Variants in TYW1 observed in about 807,000 individuals in gnomAD.
TYW1 encodes S-adenosyl-L-methionine-dependent tRNA 4-demethylwyosine synthase TYW1.
TYW1 carries 46 observed loss-of-function variants against 96.2 expected under a neutral mutation model. The observed-to-expected ratio is 0.48, with a 90% confidence interval of 0.38 to 0.61. TYW1 has a LOEUF of 0.61. Among genes scored for constraint, TYW1 ranks in the 20% least tolerant of loss-of-function variants. TYW1 has a pLI of 0.00. For missense variants in TYW1, 684 were observed against 909.6 expected (o/e 0.75, Z 3.19); for synonymous variants, 274 against 323.0 (o/e 0.85, Z 1.63).
chr7:66,998,730 T>C, intron 2 of TYW1, 87 bp from the exon 3 acceptor site: 2 of 1,420,720 alleles, frequency 1.4e-6, no homozygotes, highest in Non-Finnish European at 1.9e-6. Context: ...AAATAAAATG[T>C]GTCAGTATCT....
At chr7:67,122,957 C>CT (rs1797803430) in intron 13 of TYW1, among the ~76,000 whole-genome samples, 1 of 152,182 alleles carries the variant, frequency 6.6e-6, no homozygotes, top group South Asian at 2.1e-4. Context: ...GGCATTGAGA[C>CT]TTTCACAAAG....
intron 7 of TYW1, among the ~76,000 whole-genome samples, chr7:67,047,985 C>A (rs58361003): frequency 0.59 from 89,546 of 150,786 alleles, 26,642 homozygotes; most frequent in Middle Eastern, 0.71. Context: ...ACAGGGTTTC[C>A]CCATGTTGGC....
chr7:67,216,063 T>G (rs1312308333), intron 15 of TYW1, among the ~76,000 whole-genome samples: 1 of 151,952 alleles, frequency 6.6e-6, no homozygotes, highest in Non-Finnish European at 1.5e-5. Context: ...TCTGTCCTCA[T>G]GAGATTAATC....
At chr7:67,062,073 G>A (rs1477618467) in intron 9 of TYW1, among the ~76,000 whole-genome samples, 1 of 152,110 alleles carries the variant, frequency 6.6e-6, no homozygotes, top group African/African-American at 2.4e-5. Context: ...TCTGGAAGTT[G>A]TCATTTAGTC....
At chr7:67,170,894 G>A (rs1156582144) in intron 13 of TYW1, among the ~76,000 whole-genome samples, 1 of 152,202 alleles carries the variant, frequency 6.6e-6, no homozygotes, top group African/African-American at 2.4e-5. Context: ...GTTTTCTGGT[G>A]ATGTCTTTTT....
intron 3 of TYW1, among the ~76,000 whole-genome samples, chr7:67,003,917 G>A (rs1793482922): frequency 6.6e-6 from 1 of 152,150 alleles, no homozygotes; most frequent in Non-Finnish European, 1.5e-5. Context: ...GGTGGCACAT[G>A]CCTGTAATCC....
At chr7:67,227,189 G>C (rs1305830250) in intron 15 of TYW1, among the ~76,000 whole-genome samples, 1 of 152,124 alleles carries the variant, frequency 6.6e-6, no homozygotes, top group Non-Finnish European at 1.5e-5. Flanking sequence ...CCAAGCCCTT[G>C]GAATGTCCTG....
chr7:67,109,186 A>G (rs1196647922), intron 12 of TYW1, among the ~76,000 whole-genome samples: 1 of 146,348 alleles, frequency 6.8e-6, no homozygotes, highest in Non-Finnish European at 1.5e-5. Flanking sequence ...AGGCAGGAGA[A>G]TGGTGTGAAC....
intron 12 of TYW1, among the ~76,000 whole-genome samples, chr7:67,107,301 G>A (rs960453524): frequency 6.6e-6 from 1 of 152,114 alleles, no homozygotes; most frequent in Non-Finnish European, 1.5e-5. Flanking sequence ...AAGTAAATAC[G>A]GCCTGATACT....
At chr7:67,078,149 G>A (rs1172475107) in intron 10 of TYW1, among the ~76,000 whole-genome samples, 2 of 151,692 alleles carry the variant, frequency 1.3e-5, no homozygotes, top group Non-Finnish European at 2.9e-5. Context: ...GGGCTGGAGT[G>A]CAATGATGTG....
intron 13 of TYW1, among the ~76,000 whole-genome samples, chr7:67,128,099 A>G (rs1797958214): frequency 6.6e-6 from 1 of 152,038 alleles, no homozygotes; most frequent in Non-Finnish European, 1.5e-5. Flanking sequence ...ACATGGGGAA[A>G]TCCTGAGTGA....
At chr7:67,005,562 C>G (rs557684503) in intron 3 of TYW1, among the ~76,000 whole-genome samples, 4 of 152,352 alleles carry the variant, frequency 2.6e-5, no homozygotes, top group African/African-American at 9.6e-5. Context: ...TGCCACTGCA[C>G]TTCAGCCTGG....
chr7:67,041,378 A>T (rs1296071569), intron 7 of TYW1, among the ~76,000 whole-genome samples: 1 of 151,730 alleles, frequency 6.6e-6, no homozygotes, highest in African/African-American at 2.4e-5. Context: ...ATATCATCTC[A>T]TGGCAGCCCC....
chr7:67,171,595 T>C (rs10270292), intron 13 of TYW1, among the ~76,000 whole-genome samples: 42,517 of 151,854 alleles, frequency 0.28, 6,411 homozygotes, highest in African/African-American at 0.4. Context: ...ATTGTGACTA[T>C]GGGTATGTTC....
At chr7:67,188,675 A>AC (rs1269319768) in intron 14 of TYW1, among the ~76,000 whole-genome samples, 1 of 152,156 alleles carries the variant, frequency 6.6e-6, no homozygotes, top group Non-Finnish European at 1.5e-5. Flanking sequence ...CTTGTTCCCT[A>AC]CCCGTGCGTT....
intron 15 of TYW1, among the ~76,000 whole-genome samples, chr7:67,202,452 A>G (rs374157212): frequency 1.9e-4 from 29 of 152,256 alleles, no homozygotes; most frequent in East Asian, 5.8e-4. Flanking sequence ...GCTGGAGTGC[A>G]GTGGCGTGAA....
chr7:66,998,707 C>A, intron 2 of TYW1, 110 bp from the exon 3 acceptor site: 1 of 1,253,948 alleles, frequency 8.0e-7, no homozygotes, highest in Non-Finnish European at 1.1e-6. Flanking sequence ...TACAGTGTGT[C>A]AGATTAAGAG....
At chr7:67,107,899 T>C (rs1239082800) in intron 12 of TYW1, among the ~76,000 whole-genome samples, 2 of 140,434 alleles carry the variant, frequency 1.4e-5, no homozygotes, top group African/African-American at 2.7e-5. Context: ...TTTTTTAAGA[T>C]AGAGTCTCAT....
At chr7:67,102,858 G>GC (rs199711156) in intron 12 of TYW1, among the ~76,000 whole-genome samples, 5,216 of 152,146 alleles carry the variant, frequency 0.034, 239 homozygotes, top group African/African-American at 0.11. Context: ...CACCGTGTTA[G>GC]CAGGATGGTC....
Sources: gnomAD v4.1 joint callset for allele counts (sites outside exome capture counted in the v4.1 genomes callset) on GRCh38, gnomAD v4.1.1 for gene constraint, MANE v1.5 for transcripts, NCBI Gene and HGNC (gene_info 2026-07-23, HGNC 2026-07-21) for gene names.